GDPD2: variants seen among roughly 807,000 people sequenced by gnomAD.
The protein encoded by GDPD2 is glycerophosphodiester phosphodiesterase domain containing 2.
GDPD2 carries 23 observed loss-of-function variants against 49.2 expected under a neutral mutation model. The observed-to-expected ratio is 0.47, with a 90% CI of 0.34 to 0.66. GDPD2 has a LOEUF of 0.66. Ranked by LOEUF, GDPD2 falls within the 30% of genes least tolerant of loss-of-function variation. The pLI is 0.01. For synonymous variants in GDPD2, 167 were observed against 171.4 expected, an observed-to-expected ratio of 0.97 and a Z score of 0.20; for missense variants, 338 against 424.7, an observed-to-expected ratio of 0.80 and a Z score of 1.79.
chrX:70,428,522 C>T lies in GDPD2; in HGVS notation c.937-971C>T, dbSNP rs138109601. 3.2e-3 allele frequency among the ~76,000 whole-genome samples: 359 copies of T among 112,369 alleles called. 1 individual carries two copies. Among genetic ancestry groups the T allele is most frequent in the African/African-American group, 0.011 (327 of 30,960 alleles). ...TCTCTCTCTCTCTCTCTATTTTGCA[C>T]AGACAGAATCATTACACAGACTCTT... is the stretch of plus-strand genomic sequence containing the variant. On this transcript the variant is annotated intron_variant, in intron 10 of 15. Transcript: ENST00000374382.
In GDPD2 at chrX:70,432,898, T is replaced by C; in HGVS notation, c.1539-14T>C. 2.5e-6 allele frequency: 3 copies of C among 1,179,985 alleles called. No individual in the cohort carries two copies. Among genetic ancestry groups the C allele is most frequent in the Non-Finnish European group, 3.5e-6 (3 of 866,841 alleles). On this transcript the variant is annotated splice_polypyrimidine_tract_variant and intron_variant, in intron 14 of 15. Coordinates refer to ENST00000374382, the MANE Select transcript of GDPD2 (RefSeq NM_017711.4). ...GCTAGCTGAACTCATAATGGGAAGCTTTTCTCCCCACAGAAGATTTGTTAA... is the reference window on the plus strand; with the variant it reads ...GCTAGCTGAACTCATAATGGGAAGCCTTTCTCCCCACAGAAGATTTGTTAA...
intron 12 of GDPD2, chrX:70,430,958 T>C (rs2086470648): frequency 2.3e-6 from 1 of 431,338 alleles, no homozygotes; most frequent in Non-Finnish European, 4.0e-6. Flanking sequence ...GGCTATTTTT[T>C]TTTTTTTTTT....
chrX:70,432,966 T>C (rs780049530), intron 15 of GDPD2, 26 bp downstream of exon 15: 121 of 1,178,686 alleles, frequency 1.0e-4, no homozygotes, highest in East Asian at 2.1e-4. Flanking sequence ...CCTCACCTCA[T>C]GTTTCTCCTC....
At chrX:70,425,980 C>T (rs1296444195) in intron 4 of GDPD2, 72 bp from the exon 5 acceptor site, 2 of 961,286 alleles carry the variant, frequency 2.1e-6, no homozygotes, top group East Asian at 6.1e-5. Flanking sequence ...GAAGTACCAG[C>T]CTGGGAAGCC....
Position 70,426,724 on chromosome X carries a change from A to G in GDPD2, c.539A>G (p.Tyr180Cys), listed in dbSNP as rs754161536. ...GCCTGGCCTGTGGCTGATACCTTCT[A>G]CCGTATCCACCGAAGAGGTGCCAAC... The part of the protein sequence containing the change: ...LLAWPVADTF[Y>C]RIHRRGPKIL... The change falls in exon 7 of 16, where the codon TAC (tyrosine) becomes TGC (cysteine). Residue 180 changes from tyrosine to cysteine, a missense_variant. Tyr to Cys is a radical substitution (Grantham distance 194). Transcript: ENST00000374382. 17 of 1,203,068 alleles carry G rather than the reference A, an allele frequency of 1.4e-5. No homozygotes were observed. The highest frequency in any genetic ancestry group is 1.5e-5 in the Non-Finnish European group (13 of 888,284).
In GDPD2 at chrX:70,425,373, G is replaced by A; in HGVS notation, c.125G>A (p.Gly42Asp). ...QTSKCDCIWFGLLFLTFLLSL... is the reference protein window; with the variant it reads ...QTSKCDCIWFDLLFLTFLLSL... ...TTGCAGTGCGACTGTATCTGGTTTG[G>A]CCTGCTCTTCCTCACCTTCCTCCTT... is the stretch of plus-strand genomic sequence containing the variant. The change falls in exon 3 of 16, where the codon GGC becomes GAC. Residue 42 changes from glycine to aspartate, a missense_variant. This residue lies in a region of GDPD2 where 75 missense variants were observed against 67.6 expected (regional missense o/e 1.11). Coordinates refer to ENST00000374382, the MANE Select transcript of GDPD2 (RefSeq NM_017711.4). 12 of 1,199,952 alleles carry A rather than the reference G, an allele frequency of 1.0e-5. No individual in the cohort carries two copies. Among genetic ancestry groups the A allele is most frequent in the Non-Finnish European group, 1.4e-5 (12 of 884,852 alleles).
At chrX:70,425,730 C>T (rs2086415758) in intron 3 of GDPD2, 33 bp from the exon 4 acceptor site, 2 of 882,907 alleles carry the variant, frequency 2.3e-6, no homozygotes, top group East Asian at 6.2e-5. Flanking sequence ...CACCCCTTCC[C>T]CCACTTGGAC....
At position 70,427,132 on chromosome X, in the gene GDPD2, C is replaced by T; in HGVS notation, c.703-5C>T. ...TGCTACCTCATCACCTATTCCCTTT[C>T]CCAGCTGGCTCCCGAGAACACCCTG... On this transcript the variant is annotated splice_polypyrimidine_tract_variant and splice_region_variant and intron_variant, in intron 8 of 15. Coordinates refer to ENST00000374382, the MANE Select transcript of GDPD2 (RefSeq NM_017711.4). 8.3e-7 allele frequency: 1 copy of T among 1,200,691 alleles called. No homozygotes were observed. The highest frequency in any genetic ancestry group is 1.1e-6 in the Non-Finnish European group (1 of 885,536).
intron 11 of GDPD2, 61 bp from the exon 12 acceptor site, chrX:70,429,854 T>C: frequency 8.5e-7 from 1 of 1,175,091 alleles, no homozygotes; most frequent in Non-Finnish European, 1.2e-6. Flanking sequence ...TTTGCCCCTG[T>C]CCCTGCCCTT....
In GDPD2 at chrX:70,432,879, T is replaced by G. The variant is rs761762587; in HGVS notation, c.1539-33T>G. ...CTGGAAGGGCCTGCTTGAAGCTAGC[T>G]GAACTCATAATGGGAAGCTTTTCTC... On this transcript the variant is annotated intron_variant, in intron 14 of 15. Coordinates refer to ENST00000374382, the MANE Select transcript of GDPD2 (RefSeq NM_017711.4). 32 of 1,141,015 alleles carry G rather than the reference T, an allele frequency of 2.8e-5. No homozygotes were observed. The East Asian group carries it at 9.6e-4, about 34-fold the overall frequency. The allele number at this position is 1,141,015 out of a possible 1,213,427, so 94.0% of individuals were successfully genotyped here. A position where few individuals can be genotyped will look rare whatever the true frequency, so the allele number is the denominator to read the frequency against.
intron 2 of GDPD2, 52 bp from the exon 3 acceptor site, chrX:70,425,300 ACT>A: frequency 1.2e-6 from 1 of 859,069 alleles, no homozygotes; most frequent in Non-Finnish European, 1.7e-6. Flanking sequence ...CCCGTTGGGG[ACT>A]CTGAGTTTGA....
At chrX:70,429,463 TG>T in intron 10 of GDPD2, 29 bp from the exon 11 acceptor site, 1 of 995,064 alleles carries the variant, frequency 1.0e-6, no homozygotes, top group East Asian at 3.1e-5. Flanking sequence ...AAGCCTCTTC[TG>T]GTCTTGAAAT....
intron 1 of GDPD2, 120 bp downstream of exon 1, chrX:70,423,502 G>C (rs2086396112): frequency 8.9e-6 from 1 of 111,897 alleles, no homozygotes; most frequent in Non-Finnish European, 1.9e-5. Flanking sequence ...ACCCTACTTG[G>C]GGTTTTCAGG....
Position 70,425,769 on chromosome X carries a change from C to G in GDPD2, c.216C>G (p.Leu72=), listed in dbSNP as rs778173902. The G allele has an allele frequency of 8.5e-7, 1 of 1,182,902 alleles. No individual in the cohort carries two copies. The highest frequency in any genetic ancestry group is 1.8e-5 in the South Asian group (1 of 56,172). The change falls in exon 4 of 16, where the codon CTC becomes CTG. Residue 72 remains leucine (L), a synonymous_variant. Transcript: ENST00000374382. Reference sequence around the variant, plus strand: ...TCCCTCTCCCCTCCCACAGATTCCTCTTCCGCCGCTGGGGACACTGGATGG... The same window carrying G: ...TCCCTCTCCCCTCCCACAGATTCCTGTTCCGCCGCTGGGGACACTGGATGG... ...LNDLHNFNEF[L]FRRWGHWMDW...
At chrX:70,424,849 G>A (rs944978232) in intron 1 of GDPD2, 127 bp from the exon 2 acceptor site, 36 of 450,888 alleles carry the variant, frequency 8.0e-5, no homozygotes, top group Middle Eastern at 6.2e-4. Flanking sequence ...GGCCTGCCCC[G>A]TGACCTCCGT....
rs184895635 is a variant in GDPD2, at chrX:70,431,286, G to A, written c.1308-1021G>A. ...TATTGAATACACTGATGATGGAATC[G>A]AGGCCCTGAAAGGTCTAGGTGCTGT... On this transcript the variant is annotated intron_variant, in intron 12 of 15. Coordinates refer to ENST00000374382, the MANE Select transcript of GDPD2 (RefSeq NM_017711.4). Among the ~76,000 whole-genome samples, 4 of 112,372 alleles carry A rather than the reference G, an allele frequency of 3.6e-5. No individual in the cohort carries two copies. The East Asian group carries it at 8.4e-4, about 24-fold the overall frequency.
intron 9 of GDPD2, 45 bp from the exon 10 acceptor site, chrX:70,427,268 G>A (rs775619634): frequency 8.3e-6 from 10 of 1,203,154 alleles, no homozygotes; most frequent in African/African-American, 3.5e-5. Context: ...AGGACATGAT[G>A]ACCAGCCCCA....
chrX:70,427,249 G>A, intron 9 of GDPD2, 30 bp downstream of exon 9: 3 of 1,196,121 alleles, frequency 2.5e-6, no homozygotes, highest in Non-Finnish European at 3.4e-6. Flanking sequence ...AGGGGATCTG[G>A]GGGGCTGAAG....
Position 70,432,405 on chromosome X carries a change from C to G in GDPD2, c.1406C>G (p.Thr469Ser), listed in dbSNP as rs777297399. The G allele has an allele frequency of 8.3e-7, 1 of 1,210,544 alleles. No individual in the cohort carries two copies. Among genetic ancestry groups the G allele is most frequent in the Non-Finnish European group, 1.1e-6 (1 of 894,487 alleles). Reference sequence around the variant, plus strand: ...TGTGCAGGGGTGGATTCGGTCACCACCAACGACTGCCAGCTGCTGCAGCAG... The same window carrying G: ...TGTGCAGGGGTGGATTCGGTCACCAGCAACGACTGCCAGCTGCTGCAGCAG... Reference protein sequence around the residue: ...LWCAGVDSVTTNDCQLLQQMR... With the variant: ...LWCAGVDSVTSNDCQLLQQMR... The change falls in exon 13 of 16, where the codon ACC (threonine) becomes AGC (serine). Residue 469 changes from threonine to serine, a missense_variant. Physicochemically the swap from Thr to Ser is moderately conservative, Grantham distance 58. Around this residue, in one of 3 missense-constraint regions of GDPD2, gnomAD observed 253 missense variants for 330.4 expected, o/e 0.77. Transcript: ENST00000374382.
Sources: gnomAD v4.1 joint callset for allele counts (sites outside exome capture counted in the v4.1 genomes callset) on GRCh38, gnomAD v4.1.1 for gene constraint, gnomAD v4.1.1 regional missense constraint, MANE v1.5 for transcripts, NCBI Gene and HGNC (gene_info 2026-07-23, HGNC 2026-07-21) for gene names.